Variants in BRINP1 observed in about 807,000 individuals in gnomAD.
BRINP1 encodes the protein BMP/retinoic acid inducible neural specific 1.
In BRINP1, 17 loss-of-function variants were observed where a neutral mutation model predicts 72.9. The ratio of observed to expected loss-of-function variants is 0.23; its 90% CI spans 0.16 to 0.35. The LOEUF (loss-of-function observed/expected upper bound fraction) is 0.35, where lower values mean the gene tolerates loss of function less well. Ranked by LOEUF, BRINP1 falls within the 10% of genes least tolerant of loss-of-function variation. BRINP1 has a pLI of 1.00. For missense variants in BRINP1, 850 were observed against 1,001.6 expected, an observed-to-expected ratio of 0.85 and a Z score of 2.04; for synonymous variants, 418 against 378.5, an observed-to-expected ratio of 1.10 and a Z score of -1.21.
At chr9:119,324,528 G>C (rs2119006443) in intron 1 of BRINP1, among the ~76,000 whole-genome samples, 1 of 152,180 alleles carries the variant, frequency 6.6e-6, no homozygotes, top group South Asian at 2.1e-4. Flanking sequence ...AATGGTGAAG[G>C]GCCAGCCACC....
intron 2 of BRINP1, among the ~76,000 whole-genome samples, chr9:119,291,256 C>T (rs1830819503): frequency 6.6e-6 from 1 of 152,178 alleles, no homozygotes; most frequent in African/African-American, 2.4e-5. Flanking sequence ...CATCAAGATT[C>T]CGTTGTGCAG....
chr9:119,308,138 G>T (rs1314640535), intron 2 of BRINP1, among the ~76,000 whole-genome samples: 1 of 152,080 alleles, frequency 6.6e-6, no homozygotes, highest in East Asian at 1.9e-4. Context: ...TTGCTTCTTT[G>T]ACTATGAGAG....
intron 2 of BRINP1, among the ~76,000 whole-genome samples, chr9:119,254,967 A>T (rs1830431411): frequency 6.6e-6 from 1 of 152,252 alleles, no homozygotes; most frequent in Non-Finnish European, 1.5e-5. Flanking sequence ...TGAATGTCAA[A>T]AAGATTGAGT....
intron 5 of BRINP1, among the ~76,000 whole-genome samples, chr9:119,226,705 GA>G (rs1404731782): frequency 6.6e-6 from 1 of 151,860 alleles, no homozygotes. Flanking sequence ...ATCCATTTCA[GA>G]ATATGAGAAT....
chr9:119,205,548 C>T (rs2118867688), intron 7 of BRINP1, among the ~76,000 whole-genome samples: 1 of 152,308 alleles, frequency 6.6e-6, no homozygotes, highest in Admixed American at 6.5e-5. Flanking sequence ...TGCCCAAGGA[C>T]ACACAGCTTA....
intron 2 of BRINP1, among the ~76,000 whole-genome samples, chr9:119,286,787 TC>T (rs1830765887): frequency 6.6e-6 from 1 of 152,200 alleles, no homozygotes; most frequent in Non-Finnish European, 1.5e-5. Context: ...ACGGGGGAAC[TC>T]ACCAGACAGA....
chr9:119,228,346 C>A (rs1441914048), intron 5 of BRINP1, among the ~76,000 whole-genome samples: 5 of 151,780 alleles, frequency 3.3e-5, no homozygotes, highest in Non-Finnish European at 7.4e-5. Context: ...AATTCCTATG[C>A]CCATGGCACT....
intron 1 of BRINP1, among the ~76,000 whole-genome samples, chr9:119,367,323 C>T (rs1831705836): frequency 6.6e-6 from 1 of 150,610 alleles, no homozygotes; most frequent in Non-Finnish European, 1.5e-5. Flanking sequence ...TCAGCGGCCC[C>T]TCCGTGCTGA....
intron 1 of BRINP1, among the ~76,000 whole-genome samples, chr9:119,346,061 G>A (rs1390504112): frequency 2.6e-5 from 4 of 151,960 alleles, no homozygotes; most frequent in Admixed American, 1.3e-4. Flanking sequence ...ATGCCTTGAC[G>A]GTAGGATTTA....
intron 7 of BRINP1, among the ~76,000 whole-genome samples, chr9:119,194,974 ACT>A (rs1352605087): frequency 2.6e-5 from 4 of 152,108 alleles, no homozygotes; most frequent in South Asian, 2.1e-4. Context: ...TGGACAAAAC[ACT>A]CTGTTTCATT....
intron 2 of BRINP1, among the ~76,000 whole-genome samples, chr9:119,289,540 G>T (rs1830801619): frequency 6.6e-6 from 1 of 152,180 alleles, no homozygotes; most frequent in African/African-American, 2.4e-5. Context: ...GGTAGGAAAG[G>T]TAAATTAGAA....
intron 1 of BRINP1, among the ~76,000 whole-genome samples, chr9:119,348,212 C>T (rs1340112675): frequency 6.6e-6 from 1 of 152,154 alleles, no homozygotes; most frequent in Admixed American, 6.6e-5. Flanking sequence ...TGGAATTATA[C>T]AATATACATC....
intron 2 of BRINP1, among the ~76,000 whole-genome samples, chr9:119,292,548 A>G (rs1428382530): frequency 3.3e-5 from 5 of 152,214 alleles, no homozygotes; most frequent in Non-Finnish European, 7.4e-5. Flanking sequence ...GAATGAATGA[A>G]AACAAATAGG....
At chr9:119,268,612 T>G (rs1830577862) in intron 2 of BRINP1, among the ~76,000 whole-genome samples, 1 of 152,248 alleles carries the variant, frequency 6.6e-6, no homozygotes, top group African/African-American at 2.4e-5. Flanking sequence ...TATTTATCTA[T>G]GGCAATCGTG....
chr9:119,183,416 C>T (rs1359141283), intron 7 of BRINP1, among the ~76,000 whole-genome samples: 1 of 152,056 alleles, frequency 6.6e-6, no homozygotes, highest in East Asian at 1.9e-4. Flanking sequence ...ATATATAAAG[C>T]AAAACTGACC....
intron 2 of BRINP1, among the ~76,000 whole-genome samples, chr9:119,272,573 C>T (rs1248390331): frequency 2.0e-5 from 3 of 152,072 alleles, no homozygotes; most frequent in African/African-American, 7.2e-5. Context: ...CAAGCTAGCT[C>T]CCAAGAGAAG....
At chr9:119,185,052 G>A (rs1168992554) in intron 7 of BRINP1, among the ~76,000 whole-genome samples, 1 of 152,162 alleles carries the variant, frequency 6.6e-6, no homozygotes, top group East Asian at 1.9e-4. Flanking sequence ...GATGAATGGA[G>A]TTTTAGCTCA....
chr9:119,227,335 C>G (rs1291009733), intron 5 of BRINP1, among the ~76,000 whole-genome samples: 1 of 152,040 alleles, frequency 6.6e-6, no homozygotes, highest in African/African-American at 2.4e-5. Context: ...CTCTGCCCAT[C>G]CTCCTCATTC....
intron 2 of BRINP1, among the ~76,000 whole-genome samples, chr9:119,311,206 G>T (rs1312340600): frequency 6.6e-6 from 1 of 152,084 alleles, no homozygotes; most frequent in Non-Finnish European, 1.5e-5. Flanking sequence ...TCTGTAGCTG[G>T]TGCTTAATAA....
Sources: allele counts gnomAD v4.1 joint callset (sites outside exome capture counted in the v4.1 genomes callset), GRCh38; gene constraint gnomAD v4.1.1; transcripts MANE v1.5; gene names NCBI Gene and HGNC (gene_info 2026-07-23, HGNC 2026-07-21).